PTPN14: variants seen among roughly 807,000 people sequenced by gnomAD.
PTPN14 encodes the protein tyrosine-protein phosphatase non-receptor type 14.
PTPN14 carries 53 observed loss-of-function variants against 126.8 expected under a neutral mutation model. That is an observed-to-expected ratio of 0.42 (90% CI 0.34 to 0.53). PTPN14 has a LOEUF of 0.53. Ranked by LOEUF, PTPN14 falls within the 20% of genes least tolerant of loss-of-function variation. PTPN14 has a pLI of 0.08. For missense variants in PTPN14, 1,257 were observed against 1,552.9 expected, an observed-to-expected ratio of 0.81 and a Z score of 3.20; for synonymous variants, 630 against 599.3, an observed-to-expected ratio of 1.05 and a Z score of -0.75.
intron 1 of PTPN14, among the ~76,000 whole-genome samples, chr1:214,500,328 C>T (rs376597176): frequency 1.3e-5 from 2 of 152,048 alleles, no homozygotes; most frequent in African/African-American, 2.4e-5. Context: ...AGATCTACCC[C>T]CTTCCCTTCC....
intron 1 of PTPN14, among the ~76,000 whole-genome samples, chr1:214,505,861 A>G (rs1370462241): frequency 6.6e-6 from 1 of 152,006 alleles, no homozygotes; most frequent in Non-Finnish European, 1.5e-5. Context: ...GTGCCACTGG[A>G]CTCCTGCCTG....
At chr1:214,521,161 A>C (rs1655244389) in intron 1 of PTPN14, among the ~76,000 whole-genome samples, 1 of 152,256 alleles carries the variant, frequency 6.6e-6, no homozygotes, top group South Asian at 2.1e-4. Context: ...AAACACATGA[A>C]TCAGTGAGAG....
intron 1 of PTPN14, among the ~76,000 whole-genome samples, chr1:214,475,750 C>A (rs1023077587): frequency 6.6e-6 from 1 of 150,766 alleles, no homozygotes; most frequent in Non-Finnish European, 1.5e-5. Flanking sequence ...CCTACGACAA[C>A]AGGGCTTCTC....
intron 18 of PTPN14, among the ~76,000 whole-genome samples, chr1:214,361,239 T>C (rs1378136133): frequency 6.6e-6 from 1 of 152,222 alleles, no homozygotes; most frequent in Non-Finnish European, 1.5e-5. Context: ...ATCAGGCTCT[T>C]AGAATAGTGC....
intron 1 of PTPN14, chr1:214,532,352 C>G (rs1371375200): frequency 3.5e-6 from 2 of 567,868 alleles, no homozygotes; most frequent in Non-Finnish European, 6.4e-6. Flanking sequence ...TCTGGGATGG[C>G]TTGGGGTCCC....
intron 3 of PTPN14, among the ~76,000 whole-genome samples, chr1:214,416,928 T>C (rs1214843011): frequency 6.6e-6 from 1 of 152,034 alleles, no homozygotes; most frequent in Admixed American, 6.6e-5. Context: ...ATTATAACAG[T>C]AGTAAAATAT....
At chr1:214,474,085 T>C (rs1259208874) in intron 1 of PTPN14, among the ~76,000 whole-genome samples, 1 of 152,246 alleles carries the variant, frequency 6.6e-6, no homozygotes, top group Non-Finnish European at 1.5e-5. Context: ...TTTCCATCTC[T>C]CTTACGCACT....
chr1:214,454,013 C>T (rs1660329246), intron 2 of PTPN14, among the ~76,000 whole-genome samples: 1 of 152,078 alleles, frequency 6.6e-6, no homozygotes. Flanking sequence ...GAAAAGGGTC[C>T]AAAGTAGCTC....
intron 3 of PTPN14, among the ~76,000 whole-genome samples, chr1:214,447,279 CTGCTA>C (rs1186229060): frequency 6.6e-6 from 1 of 152,146 alleles, no homozygotes; most frequent in Non-Finnish European, 1.5e-5. Context: ...ACCTCAGATG[CTGCTA>C]AAACCTCCCA....
intron 1 of PTPN14, among the ~76,000 whole-genome samples, chr1:214,527,858 A>C (rs1371163979): frequency 6.6e-6 from 1 of 152,232 alleles, no homozygotes; most frequent in Non-Finnish European, 1.5e-5. Flanking sequence ...TTTTACTAAA[A>C]GTCTGTAAGG....
At chr1:214,512,988 A>C (rs1171345144) in intron 1 of PTPN14, among the ~76,000 whole-genome samples, 6 of 152,306 alleles carry the variant, frequency 3.9e-5, no homozygotes, top group South Asian at 2.1e-4. Context: ...TACCGCACCC[A>C]GCCAAAAAAT....
chr1:214,521,882 A>C (rs745548143), intron 1 of PTPN14, among the ~76,000 whole-genome samples: 1 of 150,450 alleles, frequency 6.6e-6, no homozygotes, highest in African/African-American at 2.5e-5. Context: ...ATGTTTCATA[A>C]GATTTTTGTT....
At chr1:214,450,197 C>T (rs1038318358) in intron 3 of PTPN14, among the ~76,000 whole-genome samples, 8 of 149,462 alleles carry the variant, frequency 5.4e-5, no homozygotes, top group Non-Finnish European at 1.0e-4. Flanking sequence ...AGAGGCCGGG[C>T]GCAGTGGCTC....
At chr1:214,512,155 C>T (rs966715127) in intron 1 of PTPN14, among the ~76,000 whole-genome samples, 51 of 152,108 alleles carry the variant, frequency 3.4e-4, no homozygotes, top group Non-Finnish European at 6.8e-4. Context: ...TTATCAAAAG[C>T]CAGTGTTCCA....
At chr1:214,499,905 AAC>A (rs1204951314) in intron 1 of PTPN14, among the ~76,000 whole-genome samples, 1 of 151,982 alleles carries the variant, frequency 6.6e-6, no homozygotes, top group Non-Finnish European at 1.5e-5. Context: ...TTCCTACAGG[AAC>A]TCTTACCCTC....
At chr1:214,549,342 T>C (rs572754384) in intron 1 of PTPN14, among the ~76,000 whole-genome samples, 15 of 152,218 alleles carry the variant, frequency 9.9e-5, no homozygotes, top group Non-Finnish European at 1.6e-4. Context: ...ATGTGCAAGA[T>C]AGTGTTTTCT....
At chr1:214,490,707 C>T (rs556985449) in intron 1 of PTPN14, among the ~76,000 whole-genome samples, 10 of 150,868 alleles carry the variant, frequency 6.6e-5, no homozygotes, top group African/African-American at 2.4e-4. Context: ...CGTGGTGGTG[C>T]GCGCCTGTAA....
chr1:214,434,546 T>C (rs970316271), intron 3 of PTPN14, among the ~76,000 whole-genome samples: 1 of 151,164 alleles, frequency 6.6e-6, no homozygotes, highest in African/African-American at 2.4e-5. Context: ...CCAATGGTAG[T>C]AGAGATATTA....
In PTPN14 at chr1:214,393,704, ATT is replaced by A; in HGVS notation, c.918_919del (p.Lys306AsnfsTer4). On this transcript the variant is annotated frameshift_variant, in exon 10 of 19. Coordinates refer to ENST00000366956, the MANE Select transcript of PTPN14 (RefSeq NM_005401.5). LOFTEE classifies it high-confidence loss of function. ...TTAAATGTTTACTTACTCAGTGCAGATTTTGTTTTGTTTGTAAAACTTGTGTC... is the reference window on the plus strand; with the variant it reads ...TTAAATGTTTACTTACTCAGTGCAGATTGTTTTGTTTGTAAAACTTGTGTC... 1 of 1,583,334 alleles carries A rather than the reference ATT, an allele frequency of 6.3e-7. No homozygotes were observed. The highest frequency in any genetic ancestry group is 8.7e-7 in the Non-Finnish European group (1 of 1,151,972).
Sources: allele counts gnomAD v4.1 joint callset (sites outside exome capture counted in the v4.1 genomes callset), GRCh38; gene constraint gnomAD v4.1.1; transcripts MANE v1.5; gene names NCBI Gene and HGNC (gene_info 2026-07-23, HGNC 2026-07-21).